Variants in MBTD1 observed in about 807,000 individuals in gnomAD.
MBTD1 encodes the protein MBT domain-containing protein 1.
MBTD1 carries 24 observed loss-of-function variants against 87.8 expected under a neutral mutation model. That is an observed-to-expected ratio of 0.27 (90% CI 0.20 to 0.38). MBTD1 has a LOEUF of 0.38. Among genes scored for constraint, MBTD1 ranks in the 10% least tolerant of loss-of-function variants. The pLI is 1.00. For missense variants in MBTD1, 436 were observed against 760.2 expected, an observed-to-expected ratio of 0.57 and a Z score of 5.02; for synonymous variants, 237 against 248.6, an observed-to-expected ratio of 0.95 and a Z score of 0.44.
At chr17:51,187,415 A>G in intron 16 of MBTD1, among the ~76,000 whole-genome samples, 1 of 152,076 alleles carries the variant, frequency 6.6e-6, no homozygotes, top group Non-Finnish European at 1.5e-5. Flanking sequence ...AAAAAAAAAA[A>G]AAAAGTATCA....
At chr17:51,242,277 C>A (rs188790387) in intron 2 of MBTD1, among the ~76,000 whole-genome samples, 3 of 152,214 alleles carry the variant, frequency 2.0e-5, no homozygotes. Context: ...AAATCCCCAA[C>A]TCCAAGCCAT....
chr17:51,186,317 AAG>A (rs900546987), intron 16 of MBTD1: 9 of 152,512 alleles, frequency 5.9e-5, no homozygotes, highest in African/African-American at 2.2e-4. Flanking sequence ...ACACTCTCAA[AAG>A]AGAACCAATT....
chr17:51,228,855 G>A (rs1195933177), intron 2 of MBTD1, among the ~76,000 whole-genome samples: 1 of 129,406 alleles, frequency 7.7e-6, no homozygotes, highest in African/African-American at 2.9e-5. Flanking sequence ...CTGAGATGGC[G>A]CCACTGTACT....
intron 7 of MBTD1, among the ~76,000 whole-genome samples, chr17:51,206,224 A>T (rs949582225): frequency 6.6e-6 from 1 of 152,158 alleles, no homozygotes; most frequent in Non-Finnish European, 1.5e-5. Context: ...AAGATATATA[A>T]AATTATCAAC....
At chr17:51,228,649 G>A (rs548736121) in intron 2 of MBTD1, among the ~76,000 whole-genome samples, 126 of 151,484 alleles carry the variant, frequency 8.3e-4, no homozygotes, top group African/African-American at 3.0e-3. Context: ...GGTGGGTCAC[G>A]CCTGTAATTC....
intron 16 of MBTD1, among the ~76,000 whole-genome samples, chr17:51,182,471 C>T (rs1285104646): frequency 2.0e-5 from 3 of 152,062 alleles, no homozygotes; most frequent in South Asian, 2.1e-4. Context: ...CTGAATATTT[C>T]GATACAAGAG....
chr17:51,179,515 T>TATATTC lies in MBTD1; in HGVS notation c.*1060_*1061insGAATAT, dbSNP rs1555673852. ...ATATATATATATATATATATATATATATATATATATATATATATATATGGA... is the reference window on the plus strand; with the variant it reads ...ATATATATATATATATATATATATATATATTCATATATATATATATATATATATGGA... On this transcript the variant is annotated 3_prime_UTR_variant, in exon 17 of 17. Coordinates refer to ENST00000586178, the MANE Select transcript of MBTD1 (RefSeq NM_017643.3). 6.5e-3 allele frequency: 658 copies of TATATTC among 101,482 alleles called. 29 individuals are homozygous for TATATTC. Among genetic ancestry groups the TATATTC allele is most frequent in the African/African-American group, 0.021 (583 of 27,256 alleles). 6.3% of individuals were successfully genotyped at this position (101,482 alleles called of 1,614,324 possible).
chr17:51,226,274 G>A (rs965741842), intron 2 of MBTD1, among the ~76,000 whole-genome samples: 4 of 151,682 alleles, frequency 2.6e-5, no homozygotes, highest in African/African-American at 9.7e-5. Context: ...CACTTTGGGA[G>A]GCCGAGGTGG....
chr17:51,260,403 C>A, upstream of MBTD1: 1 of 656,100 alleles, frequency 1.5e-6, no homozygotes, highest in Non-Finnish European at 2.5e-6. Context: ...AACTCCCACA[C>A]GGGGCGGGGC....
chr17:51,211,899 C>T (rs946235291), intron 6 of MBTD1, among the ~76,000 whole-genome samples: 3 of 151,902 alleles, frequency 2.0e-5, no homozygotes, highest in Admixed American at 1.3e-4. Flanking sequence ...CACAAAAGGG[C>T]TTTTATTTTT....
chr17:51,241,334 TTTTC>T (rs1192096846), intron 2 of MBTD1, among the ~76,000 whole-genome samples: 2 of 152,102 alleles, frequency 1.3e-5, no homozygotes, highest in African/African-American at 4.8e-5. Context: ...ACTTTTACTA[TTTTC>T]TTTAATAAGC....
intron 2 of MBTD1, among the ~76,000 whole-genome samples, chr17:51,235,669 A>T (rs1197630394): frequency 6.6e-6 from 1 of 152,200 alleles, no homozygotes; most frequent in Non-Finnish European, 1.5e-5. Flanking sequence ...ATTCTTAGCA[A>T]ACTAGGAAGA....
intron 2 of MBTD1, among the ~76,000 whole-genome samples, chr17:51,229,928 G>A (rs11659040): frequency 0.39 from 59,837 of 151,878 alleles, 13,261 homozygotes; most frequent in East Asian, 0.6. Context: ...AAAATGCTGG[G>A]ATTACAGGCG....
intron 16 of MBTD1, chr17:51,185,259 T>C (rs923081765): frequency 4.6e-5 from 7 of 152,246 alleles, no homozygotes; most frequent in Non-Finnish European, 7.3e-5. Flanking sequence ...GCAGAACATA[T>C]GCTAAGGCAG....
intron 2 of MBTD1, among the ~76,000 whole-genome samples, chr17:51,231,821 T>G (rs2053565972): frequency 6.6e-6 from 1 of 151,646 alleles, no homozygotes; most frequent in Admixed American, 6.6e-5. Flanking sequence ...TTTTTTTTTG[T>G]ACTTTTTCCC....
chr17:51,196,897 A>G (rs1049707262), intron 12 of MBTD1, among the ~76,000 whole-genome samples: 1 of 151,294 alleles, frequency 6.6e-6, no homozygotes, highest in Admixed American at 6.6e-5. Context: ...TTCAAAGGGG[A>G]AAAAAAATTT....
intron 2 of MBTD1, among the ~76,000 whole-genome samples, chr17:51,238,519 G>C (rs930646220): frequency 1.3e-5 from 2 of 152,174 alleles, no homozygotes; most frequent in South Asian, 2.1e-4. Context: ...GCTGTATAGC[G>C]GGTTTAGAGA....
At chr17:51,192,126 AT>A in intron 16 of MBTD1, 76 bp downstream of exon 16, 1 of 1,043,442 alleles carries the variant, frequency 9.6e-7, no homozygotes, top group East Asian at 2.6e-5. Context: ...AAGATATATC[AT>A]TTTCTGTCCA....
intron 2 of MBTD1, among the ~76,000 whole-genome samples, chr17:51,225,591 A>G (rs564086948): frequency 6.7e-6 from 1 of 150,306 alleles, no homozygotes; most frequent in Admixed American, 6.6e-5. Context: ...TCCTCGTCTC[A>G]AGCAATCTGC....
Sources: allele counts gnomAD v4.1 joint callset (sites outside exome capture counted in the v4.1 genomes callset), GRCh38; gene constraint gnomAD v4.1.1; transcripts MANE v1.5; gene names NCBI Gene and HGNC (gene_info 2026-07-23, HGNC 2026-07-21).